RAD51B: variants seen among roughly 807,000 people sequenced by gnomAD.
RAD51B encodes DNA repair protein RAD51 homolog 2.
Under a neutral mutation model 42.2 loss-of-function variants are expected in RAD51B, and 38 were observed. The ratio of observed to expected loss-of-function variants is 0.90; its 90% CI spans 0.70 to 1.18. The LOEUF is 1.18. Among genes scored for constraint, RAD51B ranks in the 50% most tolerant of loss-of-function variants. RAD51B has a pLI of 0.00. For synonymous variants in RAD51B, 154 were observed against 145.2 expected (o/e 1.06, Z -0.43); for missense variants, 373 against 400.7 (o/e 0.93, Z 0.59).
At chr14:67,872,083 G>A (rs1259666569) in intron 5 of RAD51B, among the ~76,000 whole-genome samples, 1 of 151,032 alleles carries the variant, frequency 6.6e-6, no homozygotes, top group Non-Finnish European at 1.5e-5. Context: ...GGAAGTTCTG[G>A]TCAGGGCAAT....
chr14:68,467,735 T>C (rs1418554210), intron 9 of RAD51B, among the ~76,000 whole-genome samples: 1 of 152,266 alleles, frequency 6.6e-6, no homozygotes, highest in Non-Finnish European at 1.5e-5. Context: ...AAACCTTCAA[T>C]TGCTTTGCCT....
intron 8 of RAD51B, among the ~76,000 whole-genome samples, chr14:68,376,616 T>G (rs1214489613): frequency 6.6e-6 from 1 of 152,054 alleles, no homozygotes; most frequent in African/African-American, 2.4e-5. Context: ...CCAAGTGGGG[T>G]GACTTGTACC....
chr14:68,014,711 T>G (rs1366132359), intron 7 of RAD51B, among the ~76,000 whole-genome samples: 1 of 151,798 alleles, frequency 6.6e-6, no homozygotes, highest in Admixed American at 6.6e-5. Flanking sequence ...AATAAATAAA[T>G]AAATAAATAA....
intron 7 of RAD51B, among the ~76,000 whole-genome samples, chr14:68,239,665 A>T (rs1251642372): frequency 6.6e-6 from 1 of 152,082 alleles, no homozygotes; most frequent in Non-Finnish European, 1.5e-5. Flanking sequence ...GTACTGCCCC[A>T]GTTCTGAGAC....
At chr14:68,447,939 A>G (rs2085460496) in intron 9 of RAD51B, among the ~76,000 whole-genome samples, 1 of 152,242 alleles carries the variant, frequency 6.6e-6, no homozygotes, top group African/African-American at 2.4e-5. Flanking sequence ...TAGCAAGCTG[A>G]TATTTACTGA....
chr14:68,541,456 G>C, intron 10 of RAD51B: 3 of 985,442 alleles, frequency 3.0e-6, no homozygotes, highest in Non-Finnish European at 3.6e-6. Flanking sequence ...CCTGTCAGGA[G>C]GGGGAATGGC....
chr14:67,879,323 A>G (rs1191865373), intron 5 of RAD51B, among the ~76,000 whole-genome samples: 4 of 152,268 alleles, frequency 2.6e-5, no homozygotes, highest in Admixed American at 1.3e-4. Flanking sequence ...GTTTATGGAC[A>G]TTAATGACAT....
At chr14:68,423,462 A>G (rs1290711511) in intron 9 of RAD51B, among the ~76,000 whole-genome samples, 1 of 152,170 alleles carries the variant, frequency 6.6e-6, no homozygotes, top group African/African-American at 2.4e-5. Flanking sequence ...TGAGGTGGGT[A>G]TTACTAGATA....
intron 7 of RAD51B, among the ~76,000 whole-genome samples, chr14:67,946,509 A>G (rs1206520847): frequency 6.6e-6 from 1 of 152,154 alleles, no homozygotes; most frequent in Non-Finnish European, 1.5e-5. Flanking sequence ...CTGGGGCTAC[A>G]GGCACTCGCC....
intron 10 of RAD51B, among the ~76,000 whole-genome samples, chr14:68,475,395 T>C (rs1882483092): frequency 6.6e-6 from 1 of 152,108 alleles, no homozygotes; most frequent in Non-Finnish European, 1.5e-5. Flanking sequence ...AGCATAAATA[T>C]TGTATGTATT....
chr14:67,918,244 TA>T (rs1353895743), intron 7 of RAD51B, among the ~76,000 whole-genome samples: 1 of 152,136 alleles, frequency 6.6e-6, no homozygotes, highest in African/African-American at 2.4e-5. Context: ...TTTATTTATT[TA>T]TTTTTTTGAG....
intron 7 of RAD51B, among the ~76,000 whole-genome samples, chr14:68,238,426 A>G (rs1269189852): frequency 1.3e-5 from 2 of 152,210 alleles, no homozygotes; most frequent in Non-Finnish European, 2.9e-5. Flanking sequence ...TCAGCCTCCC[A>G]AGTAGCTAGT....
chr14:68,558,966 T>C (rs377741868), intron 10 of RAD51B, among the ~76,000 whole-genome samples: 1 of 151,992 alleles, frequency 6.6e-6, no homozygotes, highest in African/African-American at 2.4e-5. Flanking sequence ...TTTGTATTCA[T>C]ATAGTGTCAT....
At chr14:67,896,549 A>G (rs2043425334) in intron 7 of RAD51B, among the ~76,000 whole-genome samples, 2 of 152,228 alleles carry the variant, frequency 1.3e-5, no homozygotes, top group African/African-American at 2.4e-5. Context: ...ATTCTATGTT[A>G]TGATTTTTAA....
At chr14:68,073,697 A>G (rs1174258093) in intron 7 of RAD51B, among the ~76,000 whole-genome samples, 3 of 152,122 alleles carry the variant, frequency 2.0e-5, no homozygotes, top group Non-Finnish European at 4.4e-5. Flanking sequence ...TAAAGATGCA[A>G]GGACTTCTTG....
At chr14:68,115,448 T>A (rs2077527372) in intron 7 of RAD51B, among the ~76,000 whole-genome samples, 1 of 112,562 alleles carries the variant, frequency 8.9e-6, no homozygotes, top group South Asian at 3.5e-4. Context: ...TAATGCTAGA[T>A]GACGAGTTAG....
intron 9 of RAD51B, chr14:68,421,747 C>A: frequency 6.3e-7 from 1 of 1,596,604 alleles, no homozygotes. Flanking sequence ...GCTGGTCTTG[C>A]CATTCCTGGA....
intron 8 of RAD51B, among the ~76,000 whole-genome samples, chr14:68,401,844 A>G (rs887883317): frequency 1.3e-5 from 2 of 152,268 alleles, no homozygotes; most frequent in Admixed American, 1.3e-4. Flanking sequence ...GATTATAAAT[A>G]ACAAAAGATA....
chr14:68,123,335 G>A (rs892279190), intron 7 of RAD51B, among the ~76,000 whole-genome samples: 1 of 151,712 alleles, frequency 6.6e-6, no homozygotes, highest in Non-Finnish European at 1.5e-5. Context: ...TCATAGGCGT[G>A]TACCACCATA....
Sources: allele counts gnomAD v4.1 joint callset (sites outside exome capture counted in the v4.1 genomes callset), GRCh38; gene constraint gnomAD v4.1.1; transcripts MANE v1.5; gene names NCBI Gene and HGNC (gene_info 2026-07-23, HGNC 2026-07-21).